Variants in SSBP2 observed in about 807,000 individuals in gnomAD.
SSBP2 encodes the protein single-stranded DNA-binding protein 2.
Under a neutral mutation model 61.8 loss-of-function variants are expected in SSBP2, and 17 were observed. The ratio of observed to expected loss-of-function variants is 0.28; its 90% CI spans 0.19 to 0.41. The LOEUF (loss-of-function observed/expected upper bound fraction) is 0.41, where lower values mean the gene tolerates loss of function less well. Among genes scored for constraint, SSBP2 ranks in the 10% least tolerant of loss-of-function variants. SSBP2 has a pLI of 1.00. For missense variants in SSBP2, 310 were observed against 458.7 expected, an observed-to-expected ratio of 0.68 and a Z score of 2.96; for synonymous variants, 139 against 141.3, an observed-to-expected ratio of 0.98 and a Z score of 0.12.
chr5:81,581,470 C>T (rs189145237), intron 4 of SSBP2, among the ~76,000 whole-genome samples: 2 of 152,238 alleles, frequency 1.3e-5, no homozygotes, highest in African/African-American at 4.8e-5. Flanking sequence ...AGGAAAGATC[C>T]AGTAAGAACA....
intron 6 of SSBP2, among the ~76,000 whole-genome samples, chr5:81,475,157 A>G (rs138756419): frequency 1.3e-5 from 2 of 152,194 alleles, no homozygotes; most frequent in Admixed American, 6.5e-5. Flanking sequence ...ATACTGAACC[A>G]TAAGTTTCTA....
chr5:81,562,414 G>T (rs542653399), intron 4 of SSBP2, among the ~76,000 whole-genome samples: 125 of 152,064 alleles, frequency 8.2e-4, no homozygotes, highest in African/African-American at 2.8e-3. Context: ...CTATGCAAGA[G>T]TACTGCACTT....
intron 4 of SSBP2, among the ~76,000 whole-genome samples, chr5:81,546,915 T>A (rs903514065): frequency 7.3e-5 from 10 of 137,456 alleles, no homozygotes; most frequent in Admixed American, 5.0e-4. Context: ...GTAACATTTT[T>A]AAAAAATCAA....
At chr5:81,542,680 T>C (rs949228372) in intron 4 of SSBP2, among the ~76,000 whole-genome samples, 11 of 152,064 alleles carry the variant, frequency 7.2e-5, no homozygotes, top group East Asian at 1.9e-4. Context: ...CATCTGGAAT[T>C]GTAATCCTCA....
chr5:81,635,952 T>C (rs1338019553), intron 3 of SSBP2, among the ~76,000 whole-genome samples: 3 of 152,106 alleles, frequency 2.0e-5, no homozygotes, highest in African/African-American at 7.2e-5. Context: ...AATTCATATA[T>C]TGAAATGAAG....
chr5:81,477,080 G>C (rs1206255346), intron 6 of SSBP2, among the ~76,000 whole-genome samples: 1 of 152,018 alleles, frequency 6.6e-6, no homozygotes, highest in Non-Finnish European at 1.5e-5. Context: ...TATGGCATAA[G>C]ATGTTCCAGG....
chr5:81,604,285 G>A (rs1371717150), intron 4 of SSBP2, among the ~76,000 whole-genome samples: 2 of 140,238 alleles, frequency 1.4e-5, no homozygotes, highest in African/African-American at 2.6e-5. Flanking sequence ...GTAGTCCTAT[G>A]CTGTGTTCAT....
chr5:81,594,728 G>A (rs1743526055), intron 4 of SSBP2, among the ~76,000 whole-genome samples: 5 of 152,138 alleles, frequency 3.3e-5, no homozygotes, highest in Admixed American at 1.3e-4. Flanking sequence ...TGAACAACCT[G>A]CTCCTGAATG....
At chr5:81,529,221 C>T (rs145417286) in intron 4 of SSBP2, among the ~76,000 whole-genome samples, 289 of 151,926 alleles carry the variant, frequency 1.9e-3, no homozygotes, top group African/African-American at 6.0e-3. Context: ...GTAAAATCAT[C>T]GTATGATGGC....
intron 1 of SSBP2, among the ~76,000 whole-genome samples, chr5:81,672,786 C>T (rs894861979): frequency 1.3e-5 from 2 of 151,918 alleles, no homozygotes; most frequent in Admixed American, 6.6e-5. Context: ...ATTGACCAGG[C>T]TGATCTCAAA....
At chr5:81,434,633 C>CAAAAAAAAAAAAAAA (rs34269591) in intron 15 of SSBP2, among the ~76,000 whole-genome samples, 168 of 42,938 alleles carry the variant, frequency 3.9e-3, no homozygotes, top group Non-Finnish European at 5.1e-3. Flanking sequence ...ACTCTTGACT[C>CAAAAAAAAAAAAAAA]AAAAAAAAAA....
chr5:81,626,079 C>T (rs1188634286), intron 3 of SSBP2, among the ~76,000 whole-genome samples: 2 of 152,176 alleles, frequency 1.3e-5, no homozygotes, highest in Non-Finnish European at 2.9e-5. Context: ...ATTCATAAGA[C>T]CAAAAACAGT....
chr5:81,414,926 C>T lies in SSBP2; in HGVS notation c.*5578G>A, dbSNP rs1053505627. On this transcript the variant is annotated 3_prime_UTR_variant, in exon 17 of 17. Coordinates refer to ENST00000320672, the MANE Select transcript of SSBP2 (RefSeq NM_012446.5). ...TGAGCAAACTTCATATTACTATTCC[C>T]AACACACACACACAGGTACACGCAA... 6.6e-6 allele frequency: 1 copy of T among 152,036 alleles called. No homozygotes were observed. The highest frequency in any genetic ancestry group is 1.5e-5 in the Non-Finnish European group (1 of 67,996). 9.4% of individuals were successfully genotyped at this position (152,036 alleles called of 1,614,324 possible).
At chr5:81,432,747 G>A (rs918583059) in intron 15 of SSBP2, among the ~76,000 whole-genome samples, 34 of 150,876 alleles carry the variant, frequency 2.3e-4, no homozygotes, top group African/African-American at 6.9e-4. Context: ...CTCTGAGTCC[G>A]GGAGGGAGGT....
At chr5:81,605,540 G>C (rs115652774) in intron 4 of SSBP2, among the ~76,000 whole-genome samples, 1 of 151,960 alleles carries the variant, frequency 6.6e-6, no homozygotes, top group Non-Finnish European at 1.5e-5. Flanking sequence ...CTAAAAACCC[G>C]TAAGAACTAT....
chr5:81,646,390 A>G (rs3943733), intron 2 of SSBP2, among the ~76,000 whole-genome samples: 121,984 of 151,968 alleles, frequency 0.8, 50,277 homozygotes, highest in African/African-American at 0.95. Flanking sequence ...CAAATAAGTA[A>G]GTCTCCCTAT....
At chr5:81,675,660 A>G (rs185657345) in intron 1 of SSBP2, among the ~76,000 whole-genome samples, 2 of 152,294 alleles carry the variant, frequency 1.3e-5, no homozygotes, top group East Asian at 3.9e-4. Context: ...AAATGTGTTG[A>G]TAAATCAGGG....
At chr5:81,635,994 G>C (rs1748190280) in intron 3 of SSBP2, among the ~76,000 whole-genome samples, 1 of 152,168 alleles carries the variant, frequency 6.6e-6, no homozygotes, top group South Asian at 2.1e-4. Flanking sequence ...CCTGATTTGA[G>C]GGGGTGGGCA....
chr5:81,713,382 A>AT (rs1427244876), intron 1 of SSBP2, among the ~76,000 whole-genome samples: 3 of 151,958 alleles, frequency 2.0e-5, no homozygotes, highest in Admixed American at 2.0e-4. Flanking sequence ...CTTGGTGGAG[A>AT]TTTTTTTAAT....
Sources: allele counts gnomAD v4.1 joint callset (sites outside exome capture counted in the v4.1 genomes callset), GRCh38; gene constraint gnomAD v4.1.1; transcripts MANE v1.5; gene names NCBI Gene and HGNC (gene_info 2026-07-23, HGNC 2026-07-21).